Variants in DENND5A observed in about 807,000 individuals in gnomAD.
The protein encoded by DENND5A is DENN domain-containing protein 5A.
A neutral mutation model predicts 140.3 loss-of-function variants in DENND5A; 64 were observed. That is an observed-to-expected ratio of 0.46 (90% CI 0.37 to 0.56). The LOEUF (loss-of-function observed/expected upper bound fraction) is 0.56, where lower values mean the gene tolerates loss of function less well. Among genes scored for constraint, DENND5A ranks in the 20% least tolerant of loss-of-function variants. The probability of loss-of-function intolerance (pLI) is 0.00; values close to 1 mark genes in which losing one functional copy is unlikely to be tolerated. For missense variants in DENND5A, 1,292 were observed against 1,593.8 expected (o/e 0.81, Z 3.22); for synonymous variants, 605 against 607.7 (o/e 1.00, Z 0.07).
chr11:9,233,263 G>A (rs920481202), intron 1 of DENND5A, among the ~76,000 whole-genome samples: 1 of 152,064 alleles, frequency 6.6e-6, no homozygotes, highest in African/African-American at 2.4e-5. Context: ...ACTGGACATG[G>A]TGGTGGGTGC....
chr11:9,262,512 A>C (rs980398749), intron 1 of DENND5A, among the ~76,000 whole-genome samples: 2 of 152,160 alleles, frequency 1.3e-5, no homozygotes, highest in Non-Finnish European at 2.9e-5. Flanking sequence ...TCATGAGAAG[A>C]GCACTGGACC....
At chr11:9,222,446 T>C (rs935163285) in intron 1 of DENND5A, among the ~76,000 whole-genome samples, 1 of 152,176 alleles carries the variant, frequency 6.6e-6, no homozygotes, top group Non-Finnish European at 1.5e-5. Flanking sequence ...TAAGTAGACT[T>C]AAAATACTGT....
chr11:9,192,803 C>T (rs978111122), intron 5 of DENND5A, among the ~76,000 whole-genome samples: 13 of 152,156 alleles, frequency 8.5e-5, no homozygotes, highest in Middle Eastern at 6.3e-3. Context: ...CAGGTAGTTT[C>T]ACAACAGCCA....
Position 9,150,702 on chromosome 11 carries a change from T to C in DENND5A, c.2584A>G (p.Ile862Val). 1 of 1,613,244 alleles carries C rather than the reference T, an allele frequency of 6.2e-7. No individual in the cohort carries two copies. The highest frequency in any genetic ancestry group is 8.5e-7 in the Non-Finnish European group (1 of 1,179,366). The change falls in exon 14 of 23, where the codon ATC becomes GTC. Residue 862 changes from isoleucine to valine, a missense_variant. This residue lies in a region of DENND5A where 498 missense variants were observed against 689.7 expected (regional missense o/e 0.72). Transcript: ENST00000328194. The stretch of plus-strand genomic sequence containing the variant: ...GACCTCATATCCTGAATCAGGGAGA[T>C]CCTCAGGGGAGGCATGAGTGAGCTG... ...DASSLMPPLR[I>V]SLIQDMRHIQ...
chr11:9,204,840 G>A (rs746196977), intron 3 of DENND5A, among the ~76,000 whole-genome samples: 7 of 152,158 alleles, frequency 4.6e-5, no homozygotes, highest in South Asian at 4.1e-4. Context: ...CAGCCTGAGC[G>A]ACAGAGCAAG....
At chr11:9,169,488 T>TACACACACACAC (rs1373451205) in intron 10 of DENND5A, among the ~76,000 whole-genome samples, 8 of 106,932 alleles carry the variant, frequency 7.5e-5, no homozygotes, top group African/African-American at 3.2e-4. Context: ...TTTTCCTATA[T>TACACACACACAC]ACACACGCAC....
At chr11:9,259,017 T>C (rs1852073622) in intron 1 of DENND5A, among the ~76,000 whole-genome samples, 1 of 152,110 alleles carries the variant, frequency 6.6e-6, no homozygotes. Flanking sequence ...TCCCAGGACT[T>C]TGGGAGGCCG....
intron 1 of DENND5A, among the ~76,000 whole-genome samples, chr11:9,251,568 T>G (rs564941230): frequency 3.4e-4 from 52 of 152,200 alleles, no homozygotes; most frequent in Non-Finnish European, 6.6e-4. Flanking sequence ...ACTCTCATTT[T>G]CTGCCATGCC....
At chr11:9,208,966 T>C (rs1564916614) in intron 1 of DENND5A, among the ~76,000 whole-genome samples, 1 of 152,228 alleles carries the variant, frequency 6.6e-6, no homozygotes, top group Non-Finnish European at 1.5e-5. Context: ...ACAAAGTAAT[T>C]AAGCAGCAAG....
chr11:9,190,568 T>C (rs951224568), intron 5 of DENND5A, among the ~76,000 whole-genome samples: 40 of 152,170 alleles, frequency 2.6e-4, no homozygotes, highest in Non-Finnish European at 1.5e-5. Context: ...TTGTGAGGCT[T>C]TCCCAGCCAC....
rs781192505 is a variant in DENND5A at position 9,144,283 on chromosome 11, A to G, written c.3123-5T>C. The G allele has an allele frequency of 6.2e-7, 1 of 1,613,692 alleles. No individual in the cohort carries two copies. Among genetic ancestry groups the G allele is most frequent in the Non-Finnish European group, 8.5e-7 (1 of 1,179,948 alleles). On this transcript the variant is annotated splice_region_variant and splice_polypyrimidine_tract_variant and intron_variant, in intron 18 of 22. Coordinates refer to ENST00000328194, the MANE Select transcript of DENND5A (RefSeq NM_015213.4). ...AACCACCGGCCACACGGGAACCTGA[A>G]GATCAGACAATGGACTGTCAGAGCA...
At chr11:9,188,094 G>A (rs1035630711) in intron 5 of DENND5A, among the ~76,000 whole-genome samples, 3 of 152,202 alleles carry the variant, frequency 2.0e-5, no homozygotes, top group African/African-American at 7.2e-5. Flanking sequence ...ATTCTCACGT[G>A]TTGTGGGAGG....
rs543321443 is a variant in DENND5A, at chr11:9,260,980, C to T, written c.109+3981G>A. Among the ~76,000 whole-genome samples the T allele has an allele frequency of 2.6e-5, 4 of 152,268 alleles. No homozygotes were observed. The East Asian group carries it at 5.8e-4, about 22-fold the overall frequency. ...CTTCTCACCTCAGCTTCCTGAGCAG[C>T]TGGGACCACAGGTGCATGCCACCAC... On this transcript the variant is annotated intron_variant, in intron 1 of 22. Coordinates refer to ENST00000328194, the MANE Select transcript of DENND5A (RefSeq NM_015213.4).
At chr11:9,252,419 TG>T (rs992602765) in intron 1 of DENND5A, among the ~76,000 whole-genome samples, 3 of 150,770 alleles carry the variant, frequency 2.0e-5, no homozygotes, top group African/African-American at 7.3e-5. Flanking sequence ...GAGGCAGAGG[TG>T]GGTGGATCAC....
intron 1 of DENND5A, among the ~76,000 whole-genome samples, chr11:9,222,608 A>G (rs1328619688): frequency 1.3e-5 from 2 of 152,358 alleles, no homozygotes; most frequent in Non-Finnish European, 2.9e-5. Context: ...ACATAAGATC[A>G]GAGAATAGGG....
chr11:9,207,068 A>G (rs1849714333), intron 2 of DENND5A: 1 of 469,340 alleles, frequency 2.1e-6, no homozygotes, highest in Non-Finnish European at 3.8e-6. Flanking sequence ...AGAGAGTGAG[A>G]AAGCACAAGG....
chr11:9,169,770 A>T (rs764687554), intron 10 of DENND5A, 86 bp downstream of exon 10: 10 of 889,134 alleles, frequency 1.1e-5, no homozygotes, highest in Non-Finnish European at 1.9e-5. Context: ...AGACGTTTGA[A>T]TCAGACCAGA....
intron 22 of DENND5A, 65 bp downstream of exon 22, chr11:9,141,875 A>C (rs1590200820): frequency 1.4e-6 from 2 of 1,465,156 alleles, no homozygotes; most frequent in East Asian, 4.8e-5. Context: ...CCTGCACTGC[A>C]CCAGGCCTCC....
At chr11:9,149,799 T>C (rs1166033847) in intron 15 of DENND5A, among the ~76,000 whole-genome samples, 1 of 152,232 alleles carries the variant, frequency 6.6e-6, no homozygotes, top group African/African-American at 2.4e-5. Flanking sequence ...ACATGTCACC[T>C]GAATACAGGA....
Sources: allele counts gnomAD v4.1 joint callset (sites outside exome capture counted in the v4.1 genomes callset), GRCh38; gene constraint gnomAD v4.1.1; regional missense constraint gnomAD v4.1.1; transcripts MANE v1.5; gene names NCBI Gene and HGNC (gene_info 2026-07-23, HGNC 2026-07-21).